The following ITGA9 variants were observed in gnomAD, a reference collection of about 807,000 sequenced individuals.
ITGA9 encodes integrin subunit alpha 9, also known as integrin alpha-9.
In ITGA9, 56 loss-of-function variants were observed where a neutral mutation model predicts 127.8. That is an observed-to-expected ratio of 0.44 (90% CI 0.35 to 0.55). ITGA9 has a LOEUF of 0.55. Among genes scored for constraint, ITGA9 ranks in the 20% least tolerant of loss-of-function variants. The pLI, the probability that ITGA9 is intolerant of heterozygous loss-of-function variation, is 0.00. For synonymous variants in ITGA9, 508 were observed against 514.5 expected, an observed-to-expected ratio of 0.99 and a Z score of 0.17; for missense variants, 1,196 against 1,347.1, an observed-to-expected ratio of 0.89 and a Z score of 1.76.
At position 37,736,943 on chromosome 3, in the gene ITGA9, G is replaced by A. The variant is rs923830335; in HGVS notation, c.2194G>A (p.Gly732Arg). The A allele has an allele frequency of 1.2e-6, 2 of 1,613,660 alleles. No individual in the cohort carries two copies. The highest frequency in any genetic ancestry group is 1.7e-5 in the Admixed American group (1 of 60,000). ...SVIFDTSHLS[G>R]EEEVLSFIVT... ...GATCTTTGATACAAGCCACCTGTCT[G>A]GGGAAGAGGAAGTTCTCAGCTTCAT... Residue 732 changes from glycine (G) to arginine (R), a missense_variant, in exon 20 of 28, where the codon GGG becomes AGG. By Grantham distance (125) the Gly-to-Arg change is moderately radical. Transcript: ENST00000264741.
intron 17 of ITGA9, among the ~76,000 whole-genome samples, chr3:37,671,837 C>T (rs1040955736): frequency 6.6e-6 from 1 of 152,146 alleles, no homozygotes; most frequent in Non-Finnish European, 1.5e-5. Flanking sequence ...ATTCAAACTA[C>T]ATGGCATAGT....
chr3:37,758,641 A>G (rs973735219), intron 23 of ITGA9, among the ~76,000 whole-genome samples: 4 of 149,214 alleles, frequency 2.7e-5, no homozygotes, highest in Admixed American at 6.6e-5. Flanking sequence ...CCAGAAACCT[A>G]TAGGAAACTT....
At chr3:37,732,622 G>C in intron 18 of ITGA9, 90 bp from the exon 19 acceptor site, 1 of 942,570 alleles carries the variant, frequency 1.1e-6, no homozygotes, top group Non-Finnish European at 1.7e-6. Context: ...TCTGAGCACT[G>C]CTCTGAAGGA....
At chr3:37,624,058 C>G (rs1455170483) in intron 15 of ITGA9, among the ~76,000 whole-genome samples, 1 of 152,006 alleles carries the variant, frequency 6.6e-6, no homozygotes, top group East Asian at 1.9e-4. Context: ...AAGATTTTCC[C>G]TAAACTAATT....
At chr3:37,460,635 G>A (rs889303155) in intron 1 of ITGA9, among the ~76,000 whole-genome samples, 1 of 146,292 alleles carries the variant, frequency 6.8e-6, no homozygotes, top group East Asian at 2.0e-4. Flanking sequence ...TGTCACCCAG[G>A]CTGGAGTGCA....
At chr3:37,638,968 A>C (rs1700306830) in intron 16 of ITGA9, among the ~76,000 whole-genome samples, 1 of 152,218 alleles carries the variant, frequency 6.6e-6, no homozygotes, top group Non-Finnish European at 1.5e-5. Flanking sequence ...GACGGGTTCC[A>C]GGATAGGGCT....
chr3:37,667,828 C>G (rs1322438779), intron 17 of ITGA9, among the ~76,000 whole-genome samples: 1 of 152,206 alleles, frequency 6.6e-6, no homozygotes, highest in Non-Finnish European at 1.5e-5. Flanking sequence ...GGAGAAACAC[C>G]TGGTGGGAGG....
chr3:37,794,906 G>A (rs1273083671), intron 26 of ITGA9, among the ~76,000 whole-genome samples: 1 of 152,060 alleles, frequency 6.6e-6, no homozygotes, highest in Non-Finnish European at 1.5e-5. Context: ...GTCTCCCTGT[G>A]CCTCTGAACT....
intron 1 of ITGA9, among the ~76,000 whole-genome samples, chr3:37,455,258 T>C (rs1326493910): frequency 6.6e-6 from 1 of 152,184 alleles, no homozygotes; most frequent in East Asian, 1.9e-4. Context: ...CAATTATTCG[T>C]GATTGCAAAC....
chr3:37,789,632 G>C (rs1697083322), intron 26 of ITGA9, among the ~76,000 whole-genome samples: 3 of 151,106 alleles, frequency 2.0e-5, no homozygotes, highest in Admixed American at 1.3e-4. Flanking sequence ...AGCTGGGTGT[G>C]GTGGCGGGCG....
At chr3:37,756,007 T>G (rs1401245502) in intron 23 of ITGA9, among the ~76,000 whole-genome samples, 4 of 151,814 alleles carry the variant, frequency 2.6e-5, no homozygotes, top group African/African-American at 4.8e-5. Context: ...TATAATAAGA[T>G]GGAAGTAATA....
chr3:37,507,871 C>A (rs558278592), intron 7 of ITGA9, among the ~76,000 whole-genome samples: 1 of 152,128 alleles, frequency 6.6e-6, no homozygotes, highest in Non-Finnish European at 1.5e-5. Context: ...ACTCTTCCCA[C>A]GAGATGTAAT....
intron 3 of ITGA9, among the ~76,000 whole-genome samples, chr3:37,474,393 A>G (rs758073904): frequency 2.6e-5 from 4 of 152,256 alleles, no homozygotes; most frequent in Non-Finnish European, 5.9e-5. Context: ...GAATATTTTC[A>G]TCATCACAGA....
At chr3:37,649,275 C>T (rs1427860635) in intron 16 of ITGA9, among the ~76,000 whole-genome samples, 1 of 151,892 alleles carries the variant, frequency 6.6e-6, no homozygotes, top group Non-Finnish European at 1.5e-5. Context: ...TAAAAAGATA[C>T]AGCATGACTG....
At chr3:37,615,753 T>A (rs1700068054) in intron 15 of ITGA9, among the ~76,000 whole-genome samples, 1 of 152,250 alleles carries the variant, frequency 6.6e-6, no homozygotes, top group African/African-American at 2.4e-5. Context: ...TTTATTTGCG[T>A]AGAGGTGTTT....
intron 27 of ITGA9, among the ~76,000 whole-genome samples, chr3:37,810,813 C>T (rs1168373258): frequency 6.6e-6 from 1 of 152,236 alleles, no homozygotes; most frequent in Non-Finnish European, 1.5e-5. Context: ...GCCACCAGCC[C>T]CTGGCCCCAC....
intron 17 of ITGA9, among the ~76,000 whole-genome samples, chr3:37,654,084 A>G (rs189858473): frequency 6.6e-6 from 1 of 152,020 alleles, no homozygotes; most frequent in East Asian, 1.9e-4. Context: ...ATGCTTGCTG[A>G]TTGTATTAAG....
chr3:37,779,660 A>G (rs1192929168), intron 24 of ITGA9, among the ~76,000 whole-genome samples: 2 of 152,110 alleles, frequency 1.3e-5, no homozygotes, highest in Admixed American at 6.5e-5. Context: ...TCTTGGTAGG[A>G]TAAATTAGTG....
rs1313062125 is a variant in ITGA9, at chr3:37,820,312, G to C, written c.*1323G>C. The C allele has an allele frequency of 6.6e-6, 1 of 152,290 alleles. No homozygotes were observed. Among genetic ancestry groups the C allele is most frequent in the East Asian group, 1.9e-4 (1 of 5,200 alleles). 9.4% of individuals were successfully genotyped at this position (152,290 alleles called of 1,614,324 possible). A position where few individuals can be genotyped will look rare whatever the true frequency, so the allele number is the denominator to read the frequency against. On this transcript the variant is annotated 3_prime_UTR_variant, in exon 28 of 28. Coordinates refer to ENST00000264741, the MANE Select transcript of ITGA9 (RefSeq NM_002207.3). Reference sequence around the variant, plus strand: ...ATCAAGGGGCTGGCTGCACCCAGAGGAGATGTAAACGTTTTATTCTCAATT... The same window carrying C: ...ATCAAGGGGCTGGCTGCACCCAGAGCAGATGTAAACGTTTTATTCTCAATT...
Sources: gnomAD v4.1 joint callset for allele counts (sites outside exome capture counted in the v4.1 genomes callset) on GRCh38, gnomAD v4.1.1 for gene constraint, MANE v1.5 for transcripts, NCBI Gene and HGNC (gene_info 2026-07-23, HGNC 2026-07-21) for gene names.